Variants in CPA3 observed in about 807,000 individuals in gnomAD.
CPA3 encodes the protein carboxypeptidase A3.
A neutral mutation model predicts 55.8 loss-of-function variants in CPA3; 52 were observed. The observed-to-expected ratio is 0.93, with a 90% CI of 0.75 to 1.17. The LOEUF (loss-of-function observed/expected upper bound fraction) is 1.17. CPA3 is among the 50% of genes most tolerant of loss of function. The pLI is 0.00. For synonymous variants in CPA3, 179 were observed against 171.2 expected (o/e 1.05, Z -0.36); for missense variants, 547 against 509.1 (o/e 1.07, Z -0.72).
intron 9 of CPA3, 135 bp from the exon 10 acceptor site, chr3:148,885,958 A>G: frequency 1.5e-6 from 1 of 657,080 alleles, no homozygotes; most frequent in Non-Finnish European, 2.7e-6. Context: ...TGAGTCTTGA[A>G]ACTAAAGATC....
At chr3:148,882,857 G>C (rs147449316) in intron 8 of CPA3, among the ~76,000 whole-genome samples, 1 of 152,050 alleles carries the variant, frequency 6.6e-6, no homozygotes, top group Non-Finnish European at 1.5e-5. Flanking sequence ...CAATCCAAAT[G>C]TATAAAAATT....
chr3:148,878,387 GTGTTTTCCTTT>G (rs1399701030), intron 3 of CPA3, 43 bp from the exon 4 acceptor site: 1 of 1,238,218 alleles, frequency 8.1e-7, no homozygotes, highest in African/African-American at 1.5e-5. Context: ...AAAGATAACT[GTGTTTTCCTTT>G]CTCATGATAA....
At chr3:148,882,653 C>T (rs1714403834) in intron 8 of CPA3, 58 bp downstream of exon 8, 8 of 1,367,868 alleles carry the variant, frequency 5.8e-6, no homozygotes, top group Non-Finnish European at 7.3e-6. Flanking sequence ...AGGTCCCAAA[C>T]TTAACTAAAA....
intron 2 of CPA3, among the ~76,000 whole-genome samples, chr3:148,868,218 A>G (rs1033392837): frequency 6.6e-6 from 1 of 152,114 alleles, no homozygotes; most frequent in Non-Finnish European, 1.5e-5. Context: ...TCTGAATGCT[A>G]TACTTCTGAG....
At chr3:148,879,404 G>A (rs1714299505) in intron 5 of CPA3, among the ~76,000 whole-genome samples, 1 of 151,914 alleles carries the variant, frequency 6.6e-6, no homozygotes, top group Admixed American at 6.6e-5. Context: ...TCCATTCCAG[G>A]GTAAATATCC....
At chr3:148,875,254 T>C (rs188640797) in intron 3 of CPA3, among the ~76,000 whole-genome samples, 3 of 152,192 alleles carry the variant, frequency 2.0e-5, no homozygotes, top group Non-Finnish European at 4.4e-5. Flanking sequence ...AAAAAATACA[T>C]GTGCATTTCA....
intron 10 of CPA3, among the ~76,000 whole-genome samples, chr3:148,892,627 T>G (rs1265580347): frequency 1.3e-5 from 2 of 152,022 alleles, no homozygotes; most frequent in Non-Finnish European, 2.9e-5. Flanking sequence ...CACTTCAGTC[T>G]GGGCAACAAA....
chr3:148,889,425 T>C (rs1183416416), intron 10 of CPA3, among the ~76,000 whole-genome samples: 1 of 152,134 alleles, frequency 6.6e-6, no homozygotes, highest in African/African-American at 2.4e-5. Flanking sequence ...TTATGGAGGA[T>C]CTCTGGCCTT....
At chr3:148,878,158 C>T (rs762119073) in intron 3 of CPA3, among the ~76,000 whole-genome samples, 4 of 152,126 alleles carry the variant, frequency 2.6e-5, no homozygotes, top group Admixed American at 2.0e-4. Flanking sequence ...GTATATTTTA[C>T]ACATACAGCA....
intron 3 of CPA3, among the ~76,000 whole-genome samples, chr3:148,871,487 A>T (rs961417100): frequency 6.6e-6 from 1 of 152,226 alleles, no homozygotes; most frequent in Non-Finnish European, 1.5e-5. Flanking sequence ...TCACTGTAAG[A>T]CACCTAGGCA....
At position 148,882,502 on chromosome 3, in the gene CPA3, C is replaced by T; in HGVS notation, c.688-3C>T. ...TAAACACTTACGTCATTCAATCTGG[C>T]AGAACCGCATGTGGAGAAAAAATCG... On this transcript the variant is annotated splice_region_variant and splice_polypyrimidine_tract_variant and intron_variant, in intron 7 of 10. Coordinates refer to ENST00000296046, the MANE Select transcript of CPA3 (RefSeq NM_001870.4). 1 of 1,612,462 alleles carries T rather than the reference C, an allele frequency of 6.2e-7. No homozygotes were observed.
chr3:148,872,885 T>C (rs894193406), intron 3 of CPA3, among the ~76,000 whole-genome samples: 2 of 152,144 alleles, frequency 1.3e-5, no homozygotes, highest in African/African-American at 2.4e-5. Flanking sequence ...ATACTCAACA[T>C]TGGCAATTTA....
At chr3:148,878,594 T>G (rs1281641965) in intron 4 of CPA3, 51 bp downstream of exon 4, 1 of 1,564,288 alleles carries the variant, frequency 6.4e-7, no homozygotes, top group African/African-American at 1.4e-5. Context: ...TAATATTTAT[T>G]GTCATTTTGT....
At chr3:148,892,149 G>T (rs527767242) in intron 10 of CPA3, among the ~76,000 whole-genome samples, 5 of 152,060 alleles carry the variant, frequency 3.3e-5, no homozygotes, top group African/African-American at 1.2e-4. Context: ...TCTAAAAGTA[G>T]ACATTTTCCA....
Position 148,879,872 on chromosome 3 carries a change from C to T in CPA3, c.559C>T (p.Gln187Ter), listed in dbSNP as rs758026243. ...AGAATGGGTCTCCCCAGCATTCTGC[C>T]AGTGGTTTGTCTATCAGGTAAGTGA... ...AREWVSPAFC[Q>*]WFVYQATKTY... Residue 187 changes from glutamine (Q) to a stop codon, truncating the protein, a stop_gained, in exon 6 of 11, where the codon CAG becomes TAG. Coordinates refer to ENST00000296046, the MANE Select transcript of CPA3 (RefSeq NM_001870.4). LOFTEE classifies it high-confidence loss of function. 2.5e-6 allele frequency: 4 copies of T among 1,611,724 alleles called. No homozygotes were observed. Among genetic ancestry groups the T allele is most frequent in the Admixed American group, 3.3e-5 (2 of 59,964 alleles).
chr3:148,885,652 T>G (rs1403707085), intron 9 of CPA3, among the ~76,000 whole-genome samples: 1 of 151,942 alleles, frequency 6.6e-6, no homozygotes, highest in Non-Finnish European at 1.5e-5. Context: ...CCTCATGATC[T>G]GCCCACCTCA....
At chr3:148,875,851 C>T (rs1386413625) in intron 3 of CPA3, among the ~76,000 whole-genome samples, 2 of 152,084 alleles carry the variant, frequency 1.3e-5, no homozygotes, top group Admixed American at 6.5e-5. Flanking sequence ...ATATTAATCT[C>T]AAAGTGGCAT....
At chr3:148,880,466 G>C (rs1372700103) in intron 6 of CPA3, among the ~76,000 whole-genome samples, 1 of 151,788 alleles carries the variant, frequency 6.6e-6, no homozygotes, top group Admixed American at 6.6e-5. Context: ...AAAGTAGCTG[G>C]AACTACAGGC....
intron 3 of CPA3, among the ~76,000 whole-genome samples, chr3:148,874,443 T>C (rs1457585593): frequency 6.6e-6 from 1 of 152,190 alleles, no homozygotes; most frequent in African/African-American, 2.4e-5. Context: ...ATGTCTGTAA[T>C]GACCACCCAA....
Sources: allele counts gnomAD v4.1 joint callset (sites outside exome capture counted in the v4.1 genomes callset), GRCh38; gene constraint gnomAD v4.1.1; transcripts MANE v1.5; gene names NCBI Gene and HGNC (gene_info 2026-07-23, HGNC 2026-07-21).